The following CFAP74 variants were observed in gnomAD, a reference collection of about 807,000 sequenced individuals.
The protein encoded by CFAP74 is cilia and flagella associated protein 74.
A neutral mutation model predicts 188.9 loss-of-function variants in CFAP74; 124 were observed. The observed-to-expected ratio is 0.66, with a 90% CI of 0.57 to 0.76. The LOEUF (loss-of-function observed/expected upper bound fraction) is 0.76. Ranked by LOEUF, CFAP74 falls within the 30% of genes least tolerant of loss-of-function variation. The pLI is 0.00. For missense variants in CFAP74, 2,198 were observed against 2,165.2 expected (o/e 1.02, Z -0.30); for synonymous variants, 956 against 916.7 (o/e 1.04, Z -0.77).
At chr1:1,974,224 G>C (rs1448560467) in intron 6 of CFAP74, 26 bp from the exon 7 acceptor site, 2 of 1,568,458 alleles carry the variant, frequency 1.3e-6, no homozygotes, top group African/African-American at 1.4e-5. Flanking sequence ...AAAGCAGCTG[G>C]AGACGGGCCC....
At chr1:1,974,228 C>G in intron 6 of CFAP74, 30 bp from the exon 7 acceptor site, 9 of 1,562,846 alleles carry the variant, frequency 5.8e-6, no homozygotes, top group Non-Finnish European at 7.8e-6. Context: ...CAGCTGGAGA[C>G]GGGCCCCACA....
intron 25 of CFAP74, among the ~76,000 whole-genome samples, chr1:1,938,334 T>TCA (rs72502755): frequency 6.1e-5 from 9 of 147,674 alleles, no homozygotes; most frequent in Admixed American, 6.1e-4. Flanking sequence ...CACAAGGCAC[T>TCA]CACACACACA....
chr1:1,966,072 G>C (rs1444039744), intron 12 of CFAP74, among the ~76,000 whole-genome samples: 2 of 152,226 alleles, frequency 1.3e-5, no homozygotes. Flanking sequence ...CAGCCTTTCA[G>C]CTTTGGAGCC....
At chr1:1,991,962 C>T (rs1285169599) in intron 1 of CFAP74, among the ~76,000 whole-genome samples, 1 of 151,380 alleles carries the variant, frequency 6.6e-6, no homozygotes, top group South Asian at 2.1e-4. Context: ...ATGGTGTGAA[C>T]CCAGGAGGCG....
chr1:1,960,008 A>T lies in CFAP74; in HGVS notation c.1717T>A (p.Ser573Thr). The change falls in exon 15 of 39, where the codon TCA (serine) becomes ACA (threonine). Residue 573 changes from serine (S) to threonine (T), a missense_variant. Coordinates refer to ENST00000682832, the MANE Select transcript of CFAP74 (RefSeq NM_001304360.2). ...AGCACTTCACAGGACATTCCGGCTG[A>T]CAGGGGGCCAGGGGGGTCAAAGCTG... ...HVDFDPPGPL[S>T]AGMSCEVLVT... 1 of 1,594,532 alleles carries T rather than the reference A, an allele frequency of 6.3e-7. No homozygotes were observed. Among genetic ancestry groups the T allele is most frequent in the East Asian group, 2.4e-5 (1 of 42,362 alleles).
intron 33 of CFAP74, among the ~76,000 whole-genome samples, chr1:1,924,809 C>T (rs1328437800): frequency 1.3e-5 from 2 of 152,238 alleles, no homozygotes. Flanking sequence ...CGCTCAGGCC[C>T]AGCTTAGCTG....
chr1:1,924,033 G>A, intron 34 of CFAP74, 104 bp from the exon 35 acceptor site: 1 of 1,207,328 alleles, frequency 8.3e-7, no homozygotes, highest in Middle Eastern at 2.9e-4. Context: ...CCCCCCTGCA[G>A]AGCCCCTGTC....
At chr1:1,954,974 C>T (rs1170531182) in intron 18 of CFAP74, 1 of 1,176,768 alleles carries the variant, frequency 8.5e-7, no homozygotes, top group Non-Finnish European at 1.1e-6. Context: ...GATCTAGAAC[C>T]CGAGGCTCTC....
In CFAP74 at chr1:1,988,503, C is replaced by G. The variant is rs1260607867; in HGVS notation, c.296+9G>C. 1.2e-6 allele frequency: 2 copies of G among 1,610,228 alleles called. No individual in the cohort carries two copies. Among genetic ancestry groups the G allele is most frequent in the Non-Finnish European group, 1.7e-6 (2 of 1,179,948 alleles). ...AGGTGCAGGTGCAGCGGCCTCAGCCCCAGCTCACCTCATCTTCTCAGTGAA... is the reference window on the plus strand; with the variant it reads ...AGGTGCAGGTGCAGCGGCCTCAGCCGCAGCTCACCTCATCTTCTCAGTGAA... On this transcript the variant is annotated intron_variant, in intron 4 of 38. Coordinates refer to ENST00000682832, the MANE Select transcript of CFAP74 (RefSeq NM_001304360.2).
intron 18 of CFAP74, among the ~76,000 whole-genome samples, chr1:1,951,350 G>C (rs569012909): frequency 1.3e-5 from 2 of 152,330 alleles, no homozygotes; most frequent in Non-Finnish European, 2.9e-5. Flanking sequence ...GGGACACAGA[G>C]CCAGACTATA....
intron 10 of CFAP74, among the ~76,000 whole-genome samples, chr1:1,969,909 A>G (rs1188837681): frequency 6.6e-6 from 1 of 152,234 alleles, no homozygotes; most frequent in African/African-American, 2.4e-5. Context: ...AGAAAGGGCC[A>G]GGCTCCCGGG....
intron 25 of CFAP74, among the ~76,000 whole-genome samples, chr1:1,933,278 G>T (rs1319446231): frequency 6.6e-6 from 1 of 151,446 alleles, no homozygotes; most frequent in Non-Finnish European, 1.5e-5. Context: ...CTGCCTCCTG[G>T]GTTCAAGCGA....
At chr1:1,924,604 G>A in intron 33 of CFAP74, 84 bp from the exon 34 acceptor site, 10 of 1,471,840 alleles carry the variant, frequency 6.8e-6, no homozygotes, top group South Asian at 1.3e-5. Flanking sequence ...GACTTGGCTG[G>A]TGCTATGAGG....
chr1:1,934,383 CGT>C (rs563954495), intron 25 of CFAP74, among the ~76,000 whole-genome samples: 782 of 34,916 alleles, frequency 0.022, 30 homozygotes, highest in African/African-American at 0.067. Context: ...CACATGTGTA[CGT>C]GTGTGTTAGG....
chr1:1,966,917 A>G (rs1655514034), intron 11 of CFAP74, among the ~76,000 whole-genome samples: 1 of 151,390 alleles, frequency 6.6e-6, no homozygotes, highest in Admixed American at 6.6e-5. Context: ...GCTCACTGCA[A>G]CTTCTATCTC....
intron 17 of CFAP74, 117 bp downstream of exon 17, chr1:1,956,503 C>A: frequency 7.8e-7 from 1 of 1,276,338 alleles, no homozygotes; most frequent in Non-Finnish European, 1.1e-6. Context: ...CCCACACTGC[C>A]CTCCTTCTCC....
chr1:1,993,348 G>A (rs1021865324), intron 1 of CFAP74, among the ~76,000 whole-genome samples: 2 of 151,610 alleles, frequency 1.3e-5, no homozygotes, highest in Non-Finnish European at 2.9e-5. Flanking sequence ...GCAGTGGTGC[G>A]ATCACAGCTC....
intron 22 of CFAP74, 82 bp downstream of exon 22, chr1:1,941,946 G>A (rs1653404090): frequency 7.5e-7 from 1 of 1,338,658 alleles, no homozygotes; most frequent in Non-Finnish European, 9.7e-7. Context: ...TGAGAACAGA[G>A]GAGTGGCCAG....
At chr1:1,997,197 T>G (rs904298490) in intron 1 of CFAP74, among the ~76,000 whole-genome samples, 1 of 150,956 alleles carries the variant, frequency 6.6e-6, no homozygotes, top group African/African-American at 2.4e-5. Flanking sequence ...CTAAGGTTGG[T>G]GGATCACCTG....
Sources: gnomAD v4.1 joint callset for allele counts (sites outside exome capture counted in the v4.1 genomes callset) on GRCh38, gnomAD v4.1.1 for gene constraint, MANE v1.5 for transcripts, NCBI Gene and HGNC (gene_info 2026-07-23, HGNC 2026-07-21) for gene names.